Variants in RBBP8 observed in about 807,000 individuals in gnomAD.
RBBP8 encodes the protein RB binding protein 8, endonuclease, also known as DNA endonuclease RBBP8.
Under a neutral mutation model 108.3 loss-of-function variants are expected in RBBP8, and 88 were observed. The observed-to-expected ratio is 0.81, with a 90% CI of 0.68 to 0.97. RBBP8 has a LOEUF of 0.97. Ranked by LOEUF, RBBP8 falls within the 50% of genes least tolerant of loss-of-function variation. RBBP8 has a pLI of 0.00. For synonymous variants in RBBP8, 332 were observed against 348.2 expected (o/e 0.95, Z 0.52); for missense variants, 1,023 against 1,049.0 (o/e 0.98, Z 0.34).
rs35259762 is a variant in RBBP8, at chr18:22,959,870, CTT to C, written c.249-8916_249-8915del. ...TAAAAATCTATATAAGATGAACTTTCTTTTTTTTTTTTTTTTTTTTTGGTGGT... is the reference window on the plus strand; with the variant it reads ...TAAAAATCTATATAAGATGAACTTTCTTTTTTTTTTTTTTTTTTTGGTGGT... On this transcript the variant is annotated intron_variant, in intron 4 of 18. Coordinates refer to ENST00000327155, the MANE Select transcript of RBBP8 (RefSeq NM_002894.3). 4.7e-3 allele frequency among the ~76,000 whole-genome samples: 404 copies of C among 86,384 alleles called. 2 individuals carry two copies. Among genetic ancestry groups the C allele is most frequent in the African/African-American group, 0.016 (385 of 24,312 alleles). The allele number at this position is 86,384 out of a possible 152,430, so 56.7% of individuals were successfully genotyped here. A position where few individuals can be genotyped will look rare whatever the true frequency, so the allele number is the denominator to read the frequency against.
chr18:23,011,254 A>G (rs1421952473), intron 16 of RBBP8, among the ~76,000 whole-genome samples: 3 of 152,142 alleles, frequency 2.0e-5, no homozygotes, highest in Non-Finnish European at 4.4e-5. Flanking sequence ...CACTTTGCAG[A>G]TACTGTTTTT....
chr18:23,016,946 A>C, intron 17 of RBBP8, 22 bp downstream of exon 17: 1 of 1,551,718 alleles, frequency 6.4e-7, no homozygotes, highest in South Asian at 1.1e-5. Flanking sequence ...TGTAGATACT[A>C]ATTTTTTTTT....
Position 23,009,019 on chromosome 18 carries a change from C to T in RBBP8, c.2357+2587C>T, listed in dbSNP as rs531279840. On this transcript the variant is annotated intron_variant, in intron 16 of 18. Coordinates refer to ENST00000327155, the MANE Select transcript of RBBP8 (RefSeq NM_002894.3). ...CGATCTCCTGACCTCGTGATCCACC[C>T]GCTTCGGCCTCCCAAAGTGCTGGGA... Among the ~76,000 whole-genome samples, 132 of 152,130 alleles carry T rather than the reference C, an allele frequency of 8.7e-4. No individual in the cohort carries two copies. In the Middle Eastern group the frequency reaches 0.017, roughly 20 times the overall value.
chr18:23,008,266 G>A (rs147730222), intron 16 of RBBP8, among the ~76,000 whole-genome samples: 8 of 142,240 alleles, frequency 5.6e-5, no homozygotes, highest in African/African-American at 1.5e-4. Context: ...TAAGATGTTG[G>A]TAAATTGAGT....
At chr18:22,945,603 G>A (rs181965789) in intron 2 of RBBP8, among the ~76,000 whole-genome samples, 2 of 152,024 alleles carry the variant, frequency 1.3e-5, no homozygotes, top group Admixed American at 6.6e-5. Context: ...GGCTGGTCTC[G>A]GAACTCTTGA....
At chr18:23,022,663 T>TAAAATAAAATAAAATAA (rs1555650172) in intron 18 of RBBP8, among the ~76,000 whole-genome samples, 1 of 99,740 alleles carries the variant, frequency 1.0e-5, no homozygotes. Flanking sequence ...TAAAATAAAA[T>TAAAATAAAATAAAATAA]AAAATAAATA....
At chr18:23,011,439 A>AT (rs11438456) in intron 16 of RBBP8, among the ~76,000 whole-genome samples, 132,442 of 139,168 alleles carry the variant, frequency 0.95, 63,142 homozygotes, top group South Asian at 0.99. Flanking sequence ...CTTTGATGCT[A>AT]TTTTTTTTTT....
In RBBP8 at chr18:22,996,463, G is replaced by A; in HGVS notation, c.2028+1G>A. ...GGATGTTACTGTAATAGATACAAAGGTAAGTTAAAAAGTAAAACCAAAACT... is the reference window on the plus strand; with the variant it reads ...GGATGTTACTGTAATAGATACAAAGATAAGTTAAAAAGTAAAACCAAAACT... On this transcript the variant is annotated splice_donor_variant, in intron 13 of 18. Transcript: ENST00000327155. LOFTEE classifies it high-confidence loss of function. 1 of 1,613,146 alleles carries A rather than the reference G, an allele frequency of 6.2e-7. No homozygotes were observed. The highest frequency in any genetic ancestry group is 8.5e-7 in the Non-Finnish European group (1 of 1,179,724).
intron 3 of RBBP8, 26 bp downstream of exon 3, chr18:22,946,512 G>A: frequency 6.2e-7 from 1 of 1,611,032 alleles, no homozygotes; most frequent in Non-Finnish European, 8.5e-7. Context: ...TAATACTCAT[G>A]TGTTATTTAT....
At chr18:22,926,113 G>A (rs1909783038) in intron 3 of RBBP8, among the ~76,000 whole-genome samples, 2 of 152,136 alleles carry the variant, frequency 1.3e-5, no homozygotes, top group Non-Finnish European at 2.9e-5. Context: ...AGAAACAGGT[G>A]TCCCTTTCCA....
rs530013781 is a variant in RBBP8, at chr18:23,003,956, C to G, written c.2287+2227C>G. ...CCTGTAGTCCCAGCTACTCGGGAGG[C>G]TCAGGCAGGAGAATAGCGTGAACCC... On this transcript the variant is annotated intron_variant, in intron 15 of 18. Transcript: ENST00000327155. 1.5e-3 allele frequency among the ~76,000 whole-genome samples: 228 copies of G among 148,648 alleles called. 1 individual carries two copies. The highest frequency in any genetic ancestry group is 5.2e-3 in the African/African-American group (210 of 40,424).
intron 5 of RBBP8, 121 bp from the exon 6 acceptor site, chr18:22,975,032 A>G: frequency 8.0e-7 from 1 of 1,254,622 alleles, no homozygotes; most frequent in Non-Finnish European, 1.1e-6. Context: ...CTGAATAAAC[A>G]TTATGATTTA....
chr18:22,979,665 T>G (rs548682447), intron 6 of RBBP8, among the ~76,000 whole-genome samples: 4 of 152,358 alleles, frequency 2.6e-5, no homozygotes, highest in African/African-American at 7.2e-5. Flanking sequence ...CAGTAATGGT[T>G]TGACATGGGA....
At chr18:22,930,847 C>G (rs573851368), upstream of RBBP8, among the ~76,000 whole-genome samples, 26 of 152,282 alleles carry the variant, frequency 1.7e-4, no homozygotes, top group Non-Finnish European at 3.5e-4. Flanking sequence ...TCATAGTTCA[C>G]TGCAGCCTTG....
At position 22,990,129 on chromosome 18, in the gene RBBP8, TC is replaced by T. The variant is rs796748176; in HGVS notation, c.808-802del. Among the ~76,000 whole-genome samples the T allele has an allele frequency of 1.7e-4, 26 of 152,150 alleles. 1 individual carries two copies. The highest frequency in any genetic ancestry group is 3.6e-4 in the African/African-American group (15 of 41,490). On this transcript the variant is annotated intron_variant, in intron 9 of 18. Coordinates refer to ENST00000327155, the MANE Select transcript of RBBP8 (RefSeq NM_002894.3). ...TGAATGTGTTTTAATAGTTTCTAAT[TC>T]CCCCCTACCCATAAACCTGGCAAGT...
At chr18:22,930,806 C>T (rs374856719), upstream of RBBP8, among the ~76,000 whole-genome samples, 48 of 152,204 alleles carry the variant, frequency 3.2e-4, no homozygotes, top group African/African-American at 9.6e-4. Flanking sequence ...GTCTCTCGCT[C>T]TGTCACCTAG....
At chr18:22,972,353 CAAAAAA>C (rs1168455023) in intron 5 of RBBP8, among the ~76,000 whole-genome samples, 37 of 55,896 alleles carry the variant, frequency 6.6e-4, no homozygotes, top group African/African-American at 2.1e-3. Flanking sequence ...GACTCCCTCT[CAAAAAA>C]AAAAAAAAAA....
chr18:23,003,164 C>G (rs2045976316), intron 15 of RBBP8, among the ~76,000 whole-genome samples: 2 of 152,156 alleles, frequency 1.3e-5, no homozygotes, highest in South Asian at 4.1e-4. Flanking sequence ...ATCAGCCTTA[C>G]CTCTGAAAAT....
intron 18 of RBBP8, among the ~76,000 whole-genome samples, chr18:23,022,668 T>TAAATAAAATAAATATAAAATAAAAA (rs1175474463): frequency 1.5e-5 from 2 of 136,030 alleles, no homozygotes; most frequent in Non-Finnish European, 1.6e-5. Flanking sequence ...TAAAATAAAA[T>TAAATAAAATAAATATAAAATAAAAA]AAATAACTGT....
Sources: gnomAD v4.1 joint callset for allele counts (sites outside exome capture counted in the v4.1 genomes callset) on GRCh38, gnomAD v4.1.1 for gene constraint, MANE v1.5 for transcripts, NCBI Gene and HGNC (gene_info 2026-07-23, HGNC 2026-07-21) for gene names.